Variants in GAB4 observed in about 807,000 individuals in gnomAD.
The protein encoded by GAB4 is GRB2 associated binding protein family member 4, also known as GRB2-associated-binding protein 4.
Under a neutral mutation model 51.3 loss-of-function variants are expected in GAB4, and 26 were observed. That is an observed-to-expected ratio of 0.51 (90% CI 0.37 to 0.70). The LOEUF (loss-of-function observed/expected upper bound fraction) is 0.70. Among genes scored for constraint, GAB4 ranks in the 30% least tolerant of loss-of-function variants. GAB4 has a pLI of 0.00. For missense variants in GAB4, 759 were observed against 734.6 expected, an observed-to-expected ratio of 1.03 and a Z score of -0.38; for synonymous variants, 329 against 291.2, an observed-to-expected ratio of 1.13 and a Z score of -1.32.
At chr22:16,988,245 C>A (rs530371910) in intron 2 of GAB4, 78 bp from the exon 3 acceptor site, 2 of 945,364 alleles carry the variant, frequency 2.1e-6, no homozygotes, top group Non-Finnish European at 1.7e-6. Flanking sequence ...AAGACAGTGG[C>A]GGTAATCCAG....
At chr22:16,981,499 C>G (rs2060827256) in intron 3 of GAB4, among the ~76,000 whole-genome samples, 1 of 151,994 alleles carries the variant, frequency 6.6e-6, no homozygotes, top group Admixed American at 6.6e-5. Context: ...TTATGAGCAA[C>G]AATATGCCAA....
At chr22:17,007,482 G>GT (rs1402446115) in intron 1 of GAB4, among the ~76,000 whole-genome samples, 4 of 150,268 alleles carry the variant, frequency 2.7e-5, no homozygotes, top group Admixed American at 6.6e-5. Flanking sequence ...AAGGGAGAGG[G>GT]TGTGAGGTGC....
intron 5 of GAB4, chr22:16,966,990 G>C (rs2060681352): frequency 1.3e-5 from 2 of 152,640 alleles, no homozygotes; most frequent in Non-Finnish European, 2.9e-5. Context: ...CATGGGGAGG[G>C]CTACACTTTG....
intron 1 of GAB4, among the ~76,000 whole-genome samples, chr22:17,000,014 T>C (rs1406127878): frequency 6.6e-6 from 1 of 152,206 alleles, no homozygotes; most frequent in East Asian, 1.9e-4. Flanking sequence ...CATGGTTTGT[T>C]ATCATTTCTG....
intron 1 of GAB4, among the ~76,000 whole-genome samples, chr22:16,996,733 A>G (rs1420517396): frequency 3.9e-5 from 6 of 152,066 alleles, no homozygotes; most frequent in Admixed American, 6.6e-5. Context: ...ACATATGTAA[A>G]CATGTGCCAT....
At position 16,969,546 on chromosome 22, in the gene GAB4, G is replaced by A; in HGVS notation, c.937+397C>T. The stretch of plus-strand genomic sequence containing the variant: ...CTTGGCCATGGGAGACCAAGGACTA[G>A]CTAACCACTGAGAACCCGGTGCCAC... On this transcript the variant is annotated intron_variant, in intron 4 of 9. Transcript: ENST00000400588. The A allele has an allele frequency of 1.2e-5, 6 of 501,514 alleles. No homozygotes were observed. The South Asian group carries it at 2.7e-4, about 22-fold the overall frequency. The allele number at this position is 501,514 out of a possible 1,614,324, so 31.1% of individuals were successfully genotyped here.
intron 8 of GAB4, 77 bp from the exon 9 acceptor site, chr22:16,963,906 C>T (rs376612733): frequency 6.3e-5 from 72 of 1,136,196 alleles, no homozygotes; most frequent in Middle Eastern, 4.8e-4. Flanking sequence ...CACCTGTGGG[C>T]GTAGCTACGA....
intron 1 of GAB4, among the ~76,000 whole-genome samples, chr22:17,001,587 C>G (rs989257189): frequency 6.6e-6 from 1 of 152,144 alleles, no homozygotes. Flanking sequence ...TTCAAATATC[C>G]TCCTTTAGCT....
intron 1 of GAB4, among the ~76,000 whole-genome samples, chr22:16,995,657 T>C (rs1275129055): frequency 6.6e-6 from 1 of 152,174 alleles, no homozygotes; most frequent in Non-Finnish European, 1.5e-5. Context: ...CCACTGGTGA[T>C]ACACAGGCAA....
intron 5 of GAB4, 165 bp from the exon 6 acceptor site, chr22:16,966,529 A>G (rs2060677045): frequency 7.0e-6 from 5 of 710,728 alleles, no homozygotes; most frequent in Non-Finnish European, 1.1e-5. Context: ...TGCGGCCCAG[A>G]TAGAAGTGCC....
intron 3 of GAB4, among the ~76,000 whole-genome samples, chr22:16,974,366 C>A (rs1410660516): frequency 6.6e-6 from 1 of 152,220 alleles, no homozygotes; most frequent in Non-Finnish European, 1.5e-5. Flanking sequence ...ACACATGTTA[C>A]CCCTGCATAG....
chr22:16,970,276 C>A, intron 3 of GAB4, 83 bp from the exon 4 acceptor site: 1 of 1,467,256 alleles, frequency 6.8e-7, no homozygotes, highest in Admixed American at 1.8e-5. Flanking sequence ...AGTTCACAGC[C>A]CAATGTAGTG....
intron 3 of GAB4, among the ~76,000 whole-genome samples, chr22:16,984,375 T>C (rs976198312): frequency 2.0e-5 from 3 of 152,240 alleles, no homozygotes; most frequent in South Asian, 2.1e-4. Context: ...ACAGCCACTA[T>C]GGAAAACAAT....
At chr22:16,987,302 G>C (rs1468564973) in intron 3 of GAB4, among the ~76,000 whole-genome samples, 6 of 152,200 alleles carry the variant, frequency 3.9e-5, no homozygotes, top group Non-Finnish European at 8.8e-5. Context: ...GGAATAACAG[G>C]TGATAAAACT....
intron 5 of GAB4, chr22:16,967,467 T>A (rs767225529): frequency 6.6e-6 from 1 of 152,294 alleles, no homozygotes; most frequent in Non-Finnish European, 1.5e-5. Context: ...AAGGATCACA[T>A]CAGATGTCTT....
At chr22:16,991,708 T>C (rs1384011331) in intron 2 of GAB4, among the ~76,000 whole-genome samples, 165 bp downstream of exon 2, 5 of 152,106 alleles carry the variant, frequency 3.3e-5, no homozygotes, top group African/African-American at 1.2e-4. Flanking sequence ...GGACTGAGGA[T>C]GGTAGTGGTA....
intron 6 of GAB4, among the ~76,000 whole-genome samples, chr22:16,965,732 C>T (rs1231033368): frequency 6.6e-6 from 1 of 152,190 alleles, no homozygotes; most frequent in Non-Finnish European, 1.5e-5. Flanking sequence ...GCCAGACCCA[C>T]AGGACTGATC....
At chr22:16,978,205 G>A (rs2060796010) in intron 3 of GAB4, among the ~76,000 whole-genome samples, 1 of 152,054 alleles carries the variant, frequency 6.6e-6, no homozygotes, top group Non-Finnish European at 1.5e-5. Context: ...AGGATATAGA[G>A]ACACAAAAAA....
At chr22:16,979,156 C>T (rs2123678967) in intron 3 of GAB4, among the ~76,000 whole-genome samples, 1 of 152,236 alleles carries the variant, frequency 6.6e-6, no homozygotes, top group East Asian at 1.9e-4. Context: ...TCCTATTCAA[C>T]ATAGTATTGG....
Sources: allele counts gnomAD v4.1 joint callset (sites outside exome capture counted in the v4.1 genomes callset), GRCh38; gene constraint gnomAD v4.1.1; transcripts MANE v1.5; gene names NCBI Gene and HGNC (gene_info 2026-07-23, HGNC 2026-07-21).